YEATS2: variants seen among roughly 807,000 people sequenced by gnomAD.
The protein encoded by YEATS2 is YEATS domain-containing protein 2.
YEATS2 carries 77 observed loss-of-function variants against 163.2 expected under a neutral mutation model. The ratio of observed to expected loss-of-function variants is 0.47; its 90% CI spans 0.39 to 0.57. The LOEUF (loss-of-function observed/expected upper bound fraction) is 0.57. YEATS2 is among the 20% of genes least tolerant of loss of function. YEATS2 has a pLI of 0.00. For missense variants in YEATS2, 1,549 were observed against 1,729.8 expected (o/e 0.90, Z 1.85); for synonymous variants, 631 against 645.1 (o/e 0.98, Z 0.33).
In YEATS2 at chr3:183,744,077, C is replaced by T. The variant is rs1021494215; in HGVS notation, c.925-3595C>T. On this transcript the variant is annotated intron_variant, in intron 8 of 30. Transcript: ENST00000305135. ...TAAGGGGCAGAGTACTGTCCTGTTA[C>T]TTAGAGGAAAGTCTTTTAGTTTTGC... 7.5e-5 allele frequency among the ~76,000 whole-genome samples: 10 copies of T among 133,010 alleles called. No individual in the cohort carries two copies. The East Asian group carries it at 2.3e-3, about 30-fold the overall frequency. The allele number at this position is 133,010 out of a possible 152,430, so 87.3% of individuals were successfully genotyped here.
chr3:183,703,238 T>C, intron 1 of YEATS2, among the ~76,000 whole-genome samples: 1 of 150,446 alleles, frequency 6.6e-6, no homozygotes, highest in East Asian at 2.1e-4. Context: ...TTATTTTTAC[T>C]TAAAAGATCT....
chr3:183,759,559 TA>T (rs1053904472), intron 13 of YEATS2, among the ~76,000 whole-genome samples: 1 of 151,912 alleles, frequency 6.6e-6, no homozygotes, highest in Non-Finnish European at 1.5e-5. Context: ...CCTTAACCCA[TA>T]AAAAAAATAA....
At position 183,790,903 on chromosome 3, in the gene YEATS2, C is replaced by T; in HGVS notation, c.3020C>T (p.Ala1007Val). 6.2e-7 allele frequency: 1 copy of T among 1,614,190 alleles called. No individual in the cohort carries two copies. Among genetic ancestry groups the T allele is most frequent in the Non-Finnish European group, 8.5e-7 (1 of 1,180,036 alleles). ...VSQATVGTCK[A>V]ATPTVVSATS... is the part of the protein sequence containing the mutation. The stretch of plus-strand genomic sequence containing the variant: ...CAGGCCACCGTGGGAACCTGCAAGG[C>T]TGCCACCCCCACCGTCGTCAGCGCC... The change falls in exon 21 of 31, where the codon GCT becomes GTT. Residue 1007 changes from alanine (A) to valine (V), a missense_variant. Physicochemically the swap from Ala to Val is moderately conservative, Grantham distance 64. Coordinates refer to ENST00000305135, the MANE Select transcript of YEATS2 (RefSeq NM_018023.5).
chr3:183,754,078 T>C (rs1385618872), intron 10 of YEATS2, 48 bp from the exon 11 acceptor site: 1 of 1,503,028 alleles, frequency 6.7e-7, no homozygotes, highest in Non-Finnish European at 8.9e-7. Context: ...TAAGGTTTTA[T>C]TTCAAAGCGA....
rs1168646892 is a variant in YEATS2, at chr3:183,761,618, AGTAT to A, written c.1764+9_1764+12del. On this transcript the variant is annotated splice_donor_5th_base_variant and intron_variant, in intron 14 of 30. Coordinates refer to ENST00000305135, the MANE Select transcript of YEATS2 (RefSeq NM_018023.5). ...AGGACTTGGAGCTTTCACAAAAGTG[AGTAT>A]GTATTAGGGCATTGTCCCACAAGTC... 1.2e-6 allele frequency: 2 copies of A among 1,611,966 alleles called. No homozygotes were observed. Among genetic ancestry groups the A allele is most frequent in the South Asian group, 1.1e-5 (1 of 91,052 alleles).
chr3:183,788,232 A>G (rs578063351), intron 20 of YEATS2, among the ~76,000 whole-genome samples: 33 of 152,150 alleles, frequency 2.2e-4, no homozygotes, highest in African/African-American at 8.0e-4. Flanking sequence ...GCTATCAAAT[A>G]CTAGATCTTA....
Position 183,772,530 on chromosome 3 carries a change from G to A in YEATS2, c.2173G>A (p.Ala725Thr), listed in dbSNP as rs1219115452. ...CTTAACCAAGGCCCAGGTTACTGCCGCTGGTCCTCAGAAGAGTGGATCCCA... is the reference window on the plus strand; with the variant it reads ...CTTAACCAAGGCCCAGGTTACTGCCACTGGTCCTCAGAAGAGTGGATCCCA... ...QTLTKAQVTA[A>T]GPQKSGSQGS... The change falls in exon 16 of 31, where the codon GCT (alanine) becomes ACT (threonine). Residue 725 changes from alanine to threonine, a missense_variant. Physicochemically the swap from Ala to Thr is moderately conservative, Grantham distance 58. Coordinates refer to ENST00000305135, the MANE Select transcript of YEATS2 (RefSeq NM_018023.5). The A allele has an allele frequency of 1.4e-5, 22 of 1,613,990 alleles. No homozygotes were observed. The Middle Eastern group carries it at 5.0e-4, about 36-fold the overall frequency.
At chr3:183,755,832 C>T (rs140602462) in intron 11 of YEATS2, among the ~76,000 whole-genome samples, 40 of 146,196 alleles carry the variant, frequency 2.7e-4, no homozygotes, top group African/African-American at 9.4e-4. Context: ...CGGCTCACTC[C>T]GCCACCCGGG....
At chr3:183,749,405 G>A (rs986985027) in intron 9 of YEATS2, among the ~76,000 whole-genome samples, 1 of 152,088 alleles carries the variant, frequency 6.6e-6, no homozygotes, top group Non-Finnish European at 1.5e-5. Context: ...TTGCAGAGCT[G>A]AAACTCTGTA....
In YEATS2 at chr3:183,800,696, T is replaced by A; in HGVS notation, c.3428+128T>A. On this transcript the variant is annotated intron_variant, in intron 24 of 30. Transcript: ENST00000305135. ...TGACGGGAGGAACTGTCTGTCCCCG[T>A]GCAGTGGACAAGTGTTACCACTTGA... The A allele has an allele frequency of 4.3e-6, 3 of 702,544 alleles. No individual in the cohort carries two copies. The East Asian group carries it at 8.3e-5, about 19-fold the overall frequency. 43.5% of individuals were successfully genotyped at this position (702,544 alleles called of 1,614,324 possible).
rs762735446 is a variant in YEATS2, at chr3:183,811,631, C to G, written c.*1048C>G. ...AGTGCCCAGAAGCAGTGAGATTAGT[C>G]TGTGTCCACAAGCAGAGGCCCCCTC... is the stretch of plus-strand genomic sequence containing the variant. On this transcript the variant is annotated 3_prime_UTR_variant, in exon 31 of 31. Transcript: ENST00000305135. 4.6e-5 allele frequency: 7 copies of G among 152,602 alleles called. No individual in the cohort carries two copies. Among genetic ancestry groups the G allele is most frequent in the African/African-American group, 7.2e-5 (3 of 41,440 alleles). The allele number at this position is 152,602 out of a possible 1,614,324, so 9.5% of individuals were successfully genotyped here. A position where few individuals can be genotyped will look rare whatever the true frequency, so the allele number is the denominator to read the frequency against.
At chr3:183,753,819 C>G (rs1437934345) in intron 10 of YEATS2, among the ~76,000 whole-genome samples, 1 of 152,088 alleles carries the variant, frequency 6.6e-6, no homozygotes, top group African/African-American at 2.4e-5. Context: ...TTTTTCTTCT[C>G]TAAACAGTTT....
chr3:183,786,290 C>T lies in YEATS2; in HGVS notation c.2902C>T (p.Pro968Ser). The T allele has an allele frequency of 6.2e-7, 1 of 1,610,514 alleles. No homozygotes were observed. Among genetic ancestry groups the T allele is most frequent in the South Asian group, 1.1e-5 (1 of 90,890 alleles). ...SPAVALSANG[P>S]AQQSEGMAPV... Reference sequence around the variant, plus strand: ...TGCCGTGGCCCTCTCAGCAAACGGTCCTGCACAACAGGTGAGAAATAGCAT... The same window carrying T: ...TGCCGTGGCCCTCTCAGCAAACGGTTCTGCACAACAGGTGAGAAATAGCAT... Residue 968 changes from proline to serine, a missense_variant, in exon 20 of 31, where the codon CCT (proline) becomes TCT (serine). Coordinates refer to ENST00000305135, the MANE Select transcript of YEATS2 (RefSeq NM_018023.5).
intron 12 of YEATS2, 63 bp from the exon 13 acceptor site, chr3:183,758,799 G>A: frequency 8.8e-7 from 1 of 1,133,628 alleles, no homozygotes; most frequent in Non-Finnish European, 1.3e-6. Flanking sequence ...TGGTAGAAAT[G>A]CTTTAAAATT....
chr3:183,795,564 G>T (rs1725070564), intron 21 of YEATS2, among the ~76,000 whole-genome samples: 1 of 147,302 alleles, frequency 6.8e-6, no homozygotes, highest in South Asian at 2.2e-4. Flanking sequence ...GCCTCCCAAA[G>T]TGCTGGGGTT....
In YEATS2 at chr3:183,790,999, T is replaced by C; in HGVS notation, c.3097+19T>C. 6.2e-7 allele frequency: 1 copy of C among 1,605,276 alleles called. No individual in the cohort carries two copies. The highest frequency in any genetic ancestry group is 1.1e-5 in the South Asian group (1 of 90,616). On this transcript the variant is annotated intron_variant, in intron 21 of 30. Transcript: ENST00000305135. ...GTATCCGGTGAGTTGCATTGTGATA[T>C]TATTTCTCTCTCTTTTCTCTCATTG...
At chr3:183,743,460 C>T (rs1719187212) in intron 8 of YEATS2, among the ~76,000 whole-genome samples, 1 of 152,118 alleles carries the variant, frequency 6.6e-6, no homozygotes, top group African/African-American at 2.4e-5. Flanking sequence ...CTTATCTCAG[C>T]GTCCCAGGTA....
intron 1 of YEATS2, among the ~76,000 whole-genome samples, chr3:183,711,334 G>A (rs1053297110): frequency 1.3e-5 from 2 of 152,040 alleles, no homozygotes; most frequent in East Asian, 1.9e-4. Flanking sequence ...TCAGCCGGGC[G>A]TGGTGGAGGG....
At chr3:183,801,583 G>A (rs1241885547) in intron 25 of YEATS2, 55 bp downstream of exon 25, 2 of 1,372,004 alleles carry the variant, frequency 1.5e-6, no homozygotes, top group African/African-American at 2.9e-5. Context: ...TGAACTTAAG[G>A]TATTGAGTCA....
Sources: allele counts gnomAD v4.1 joint callset (sites outside exome capture counted in the v4.1 genomes callset), GRCh38; gene constraint gnomAD v4.1.1; transcripts MANE v1.5; gene names NCBI Gene and HGNC (gene_info 2026-07-23, HGNC 2026-07-21).